The following MGAT4A variants were observed in gnomAD, a reference collection of about 807,000 sequenced individuals.
MGAT4A encodes the protein alpha-1,3-mannosyl-glycoprotein 4-beta-N-acetylglucosaminyltransferase A.
MGAT4A carries 33 observed loss-of-function variants against 74.1 expected under a neutral mutation model. That is an observed-to-expected ratio of 0.45 (90% CI 0.34 to 0.60). The LOEUF (loss-of-function observed/expected upper bound fraction) is 0.60, where lower values mean the gene tolerates loss of function less well. Ranked by LOEUF, MGAT4A falls within the 20% of genes least tolerant of loss-of-function variation. MGAT4A has a pLI of 0.02. For missense variants in MGAT4A, 479 were observed against 628.3 expected, an observed-to-expected ratio of 0.76 and a Z score of 2.54; for synonymous variants, 198 against 210.4, an observed-to-expected ratio of 0.94 and a Z score of 0.51.
intron 8 of MGAT4A, among the ~76,000 whole-genome samples, chr2:98,646,677 T>A (rs1248321541): frequency 1.3e-5 from 2 of 152,184 alleles, no homozygotes; most frequent in East Asian, 3.8e-4. Flanking sequence ...AAAAGCCAAT[T>A]TGAAGGGGTT....
chr2:98,660,458 A>AC (rs1422633246), intron 5 of MGAT4A, among the ~76,000 whole-genome samples: 9 of 148,784 alleles, frequency 6.0e-5, no homozygotes, highest in Admixed American at 3.4e-4. Flanking sequence ...ACACACACAC[A>AC]ACAAATAGCC....
At chr2:98,641,110 G>C (rs1002452955) in intron 10 of MGAT4A, among the ~76,000 whole-genome samples, 1 of 152,094 alleles carries the variant, frequency 6.6e-6, no homozygotes, top group Non-Finnish European at 1.5e-5. Context: ...TGGGCCTGGC[G>C]TGTGAAGGCT....
chr2:98,710,104 T>C (rs371026655), intron 2 of MGAT4A, among the ~76,000 whole-genome samples: 2 of 152,178 alleles, frequency 1.3e-5, no homozygotes, highest in East Asian at 1.9e-4. Flanking sequence ...CTAACCCTCA[T>C]AGACACCCAA....
At chr2:98,717,568 G>A (rs991083875) in intron 2 of MGAT4A, among the ~76,000 whole-genome samples, 5 of 152,178 alleles carry the variant, frequency 3.3e-5, no homozygotes, top group African/African-American at 7.2e-5. Context: ...TTTTGGTTTC[G>A]AAAATTATAC....
intron 2 of MGAT4A, among the ~76,000 whole-genome samples, chr2:98,720,821 A>G (rs1003271679): frequency 2.6e-5 from 4 of 152,232 alleles, no homozygotes; most frequent in African/African-American, 9.6e-5. Flanking sequence ...CAATAAGCAC[A>G]CCACCACATG....
chr2:98,631,115 C>T (rs561436145), intron 14 of MGAT4A, among the ~76,000 whole-genome samples: 1 of 152,318 alleles, frequency 6.6e-6, no homozygotes, highest in African/African-American at 2.4e-5. Flanking sequence ...CAGCTTTAAC[C>T]CACTGAAATA....
chr2:98,624,300 C>T lies in MGAT4A; in HGVS notation c.*1266G>A. On this transcript the variant is annotated 3_prime_UTR_variant, in exon 16 of 16. Coordinates refer to ENST00000393487, the MANE Select transcript of MGAT4A (RefSeq NM_012214.3). Reference sequence around the variant, plus strand: ...GTGCTGGGATTACAGGCGTGAGCCACAGCGCCTGGTGATAATTCATCATTT... The same window carrying T: ...GTGCTGGGATTACAGGCGTGAGCCATAGCGCCTGGTGATAATTCATCATTT... 3 of 962,566 alleles carry T rather than the reference C, an allele frequency of 3.1e-6. No homozygotes were observed. The highest frequency in any genetic ancestry group is 2.5e-6 in the Non-Finnish European group (2 of 809,108). 59.6% of individuals were successfully genotyped at this position (962,566 alleles called of 1,614,324 possible).
At chr2:98,727,315 T>G (rs148488633) in intron 1 of MGAT4A, among the ~76,000 whole-genome samples, 1 of 152,288 alleles carries the variant, frequency 6.6e-6, no homozygotes, top group African/African-American at 2.4e-5. Flanking sequence ...TCAAGAAATC[T>G]GGGAAATCAC....
chr2:98,717,101 C>T (rs954217316), intron 2 of MGAT4A, among the ~76,000 whole-genome samples: 5 of 151,958 alleles, frequency 3.3e-5, no homozygotes, highest in African/African-American at 1.2e-4. Flanking sequence ...AAGAAAGGGC[C>T]AGGCATGGTG....
chr2:98,665,764 G>A (rs1044565668), intron 4 of MGAT4A, among the ~76,000 whole-genome samples: 1 of 152,252 alleles, frequency 6.6e-6, no homozygotes, highest in Non-Finnish European at 1.5e-5. Flanking sequence ...CCTGTAAGTC[G>A]TGTGGTCACG....
chr2:98,710,183 C>T (rs1702496706), intron 2 of MGAT4A, among the ~76,000 whole-genome samples: 1 of 152,130 alleles, frequency 6.6e-6, no homozygotes, highest in South Asian at 2.1e-4. Context: ...AATTCCACAT[C>T]ATCAGACAGG....
In MGAT4A at chr2:98,676,823, G is replaced by A. The variant is rs935290148; in HGVS notation, c.262+1481C>T. Among the ~76,000 whole-genome samples the A allele has an allele frequency of 5.9e-5, 9 of 152,102 alleles. No individual in the cohort carries two copies. The South Asian group carries it at 1.7e-3, about 28-fold the overall frequency. On this transcript the variant is annotated intron_variant, in intron 3 of 15. Coordinates refer to ENST00000393487, the MANE Select transcript of MGAT4A (RefSeq NM_012214.3). ...AACAATTTTGAAGAAAAACATTCACGGAAAAAATACTAGAAGGAAACAAAA... is the reference window on the plus strand; with the variant it reads ...AACAATTTTGAAGAAAAACATTCACAGAAAAAATACTAGAAGGAAACAAAA...
At chr2:98,665,932 T>C (rs1026061624) in intron 4 of MGAT4A, among the ~76,000 whole-genome samples, 2 of 152,216 alleles carry the variant, frequency 1.3e-5, no homozygotes, top group African/African-American at 4.8e-5. Context: ...TAAGCCCAGA[T>C]TGAGAAAATC....
At chr2:98,699,739 T>C (rs1011977384) in intron 2 of MGAT4A, among the ~76,000 whole-genome samples, 2 of 152,232 alleles carry the variant, frequency 1.3e-5, no homozygotes, top group African/African-American at 2.4e-5. Flanking sequence ...GCAAAAAATG[T>C]ACATTATACA....
At chr2:98,668,852 A>G (rs1701873803) in intron 4 of MGAT4A, among the ~76,000 whole-genome samples, 1 of 152,214 alleles carries the variant, frequency 6.6e-6, no homozygotes. Flanking sequence ...TCATTTTGGA[A>G]CTTTGAGATT....
At position 98,640,201 on chromosome 2, in the gene MGAT4A, G is replaced by T. The variant is rs1235920451; in HGVS notation, c.1048C>A (p.Leu350Met). The T allele has an allele frequency of 2.5e-6, 4 of 1,613,872 alleles. No individual in the cohort carries two copies. The highest frequency in any genetic ancestry group is 3.4e-6 in the Non-Finnish European group (4 of 1,179,826). ...AKHCDRQKANLRIRFRPSLFQ... is the reference protein window; with the variant it reads ...AKHCDRQKANMRIRFRPSLFQ... ...AGGGAAGGTCTGAAGCGAATTCGCA[G>T]ATTTGCTTTCTGTCTATCACAATGT... is the stretch of plus-strand genomic sequence containing the variant. Residue 350 changes from leucine to methionine, a missense_variant, in exon 11 of 16, where the codon CTG becomes ATG. Transcript: ENST00000393487.
intron 5 of MGAT4A, among the ~76,000 whole-genome samples, chr2:98,660,180 A>C (rs1464815753): frequency 6.6e-6 from 1 of 152,266 alleles, no homozygotes; most frequent in Non-Finnish European, 1.5e-5. Flanking sequence ...AAGGAAGTGA[A>C]AGAACTAGAC....
chr2:98,630,466 G>C (rs1427277101), intron 14 of MGAT4A, among the ~76,000 whole-genome samples: 1 of 152,048 alleles, frequency 6.6e-6, no homozygotes, highest in Non-Finnish European at 1.5e-5. Flanking sequence ...GAGAAGAGAA[G>C]CTATTAGGGT....
At chr2:98,721,111 GAGGACAA>G (rs1394103849) in intron 2 of MGAT4A, among the ~76,000 whole-genome samples, 6 of 152,154 alleles carry the variant, frequency 3.9e-5, no homozygotes, top group African/African-American at 1.4e-4. Flanking sequence ...AGAAATAATA[GAGGACAA>G]AGGCAATGCA....
Sources: allele counts gnomAD v4.1 joint callset (sites outside exome capture counted in the v4.1 genomes callset), GRCh38; gene constraint gnomAD v4.1.1; transcripts MANE v1.5; gene names NCBI Gene and HGNC (gene_info 2026-07-23, HGNC 2026-07-21).